ACOT11: variants seen among roughly 807,000 people sequenced by gnomAD.
The protein encoded by ACOT11 is acyl-CoA thioesterase 11, also known as acyl-coenzyme A thioesterase 11.
ACOT11 carries 69 observed loss-of-function variants against 77.5 expected under a neutral mutation model. The ratio of observed to expected loss-of-function variants is 0.89; its 90% CI spans 0.73 to 1.09. ACOT11 has a LOEUF of 1.09. Ranked by LOEUF, ACOT11 falls within the 50% of genes least tolerant of loss-of-function variation. The pLI is 0.00. For missense variants in ACOT11, 766 were observed against 813.7 expected (o/e 0.94, Z 0.71); for synonymous variants, 279 against 313.0 (o/e 0.89, Z 1.15).
downstream of ACOT11, chr1:54,610,826 G>A (rs1644109968): frequency 4.1e-6 from 4 of 985,404 alleles, no homozygotes; most frequent in African/African-American, 1.7e-5. Context: ...CGCTTAGGTG[G>A]CTCCCATGGC....
chr1:54,585,743 G>A (rs934385284), intron 2 of ACOT11, 92 bp from the exon 3 acceptor site: 12 of 1,332,150 alleles, frequency 9.0e-6, no homozygotes, highest in African/African-American at 4.3e-5. Flanking sequence ...TGGCTTGGGC[G>A]GCTGGAGAAG....
Position 54,609,372 on chromosome 1 carries a change from TCA to T in ACOT11, c.*263_*264del, listed in dbSNP as rs935990821. On this transcript the variant is annotated 3_prime_UTR_variant, in exon 16 of 16. Transcript: ENST00000343744. ...GCCCTAGCTGCCAGCAATGCTGTCC[TCA>T]CAGAGGCATAGTCGCCCCCAGCTGG... The T allele has an allele frequency of 6.2e-6, 10 of 1,614,166 alleles. No homozygotes were observed. The highest frequency in any genetic ancestry group is 8.5e-6 in the Non-Finnish European group (10 of 1,180,026).
chr1:54,619,730 C>T, intron 15 of ACOT11: 1 of 907,026 alleles, frequency 1.1e-6, no homozygotes, highest in South Asian at 1.6e-5. Context: ...CTCTGAGCCC[C>T]TATTTCCTCA....
At chr1:54,635,629 A>T (rs935164507) in exon 17 of ACOT11, 2 of 195,502 alleles carry the variant, frequency 1.0e-5, no homozygotes, top group African/African-American at 4.8e-5. Flanking sequence ...AAAAATTAGC[A>T]GCTAGTAACC....
chr1:54,576,975 C>T (rs12563214), intron 1 of ACOT11, among the ~76,000 whole-genome samples: 16,479 of 152,190 alleles, frequency 0.11, 1,313 homozygotes, highest in African/African-American at 0.22. Context: ...TTTATAATCA[C>T]TTACCATGTG....
chr1:54,582,423 A>G, intron 1 of ACOT11: 1 of 985,272 alleles, frequency 1.0e-6, no homozygotes, highest in Non-Finnish European at 1.2e-6. Context: ...TGTATTCTCT[A>G]TCTTTGCCCA....
At chr1:54,565,803 G>A (rs1213882338) in intron 1 of ACOT11, among the ~76,000 whole-genome samples, 2 of 152,132 alleles carry the variant, frequency 1.3e-5, no homozygotes, top group Admixed American at 6.5e-5. Flanking sequence ...GAACCAACCA[G>A]CTTTAGTATC....
At chr1:54,611,579 A>G (rs1339759814), downstream of ACOT11, 1 of 1,611,838 alleles carries the variant, frequency 6.2e-7, no homozygotes, top group East Asian at 2.2e-5. Context: ...TCCAGCCCAC[A>G]CCACCCTTCC....
At chr1:54,610,491 A>C (rs779852883), downstream of ACOT11, 1 of 1,502,336 alleles carries the variant, frequency 6.7e-7, no homozygotes, top group Non-Finnish European at 9.2e-7. Context: ...CGTCATCCCC[A>C]GGCAGCTGGA....
At chr1:54,634,613 G>C (rs1644320491) in intron 16 of ACOT11, 2 of 692,848 alleles carry the variant, frequency 2.9e-6, no homozygotes, top group East Asian at 5.4e-5. Flanking sequence ...ATTTGGTGAA[G>C]AGATCCAATA....
At chr1:54,638,956 T>C (rs1254915077) in exon 17 of ACOT11, 1 of 152,152 alleles carries the variant, frequency 6.6e-6, no homozygotes, top group African/African-American at 2.4e-5. Flanking sequence ...TTTGGGAGGC[T>C]GAAGCGGGAG....
At chr1:54,568,408 A>G (rs1569670006) in intron 1 of ACOT11, among the ~76,000 whole-genome samples, 1 of 115,756 alleles carries the variant, frequency 8.6e-6, no homozygotes, top group African/African-American at 3.6e-5. Flanking sequence ...CTTGTTGCCC[A>G]GGCTGGAGTA....
In ACOT11 at chr1:54,604,388, G is replaced by T; in HGVS notation, c.1195G>T (p.Val399Leu). 6.2e-7 allele frequency: 1 copy of T among 1,614,078 alleles called. No individual in the cohort carries two copies. Among genetic ancestry groups the T allele is most frequent in the Non-Finnish European group, 8.5e-7 (1 of 1,180,028 alleles). Residue 399 changes from valine (V) to leucine (L), a missense_variant, in exon 12 of 16, where the codon GTG (valine) becomes TTG (leucine). Transcript: ENST00000343744. ...YNNVSSLKML[V>L]AKDNWVLSSE... ...TAACGTCTCCTCCTTGAAGATGCTTGTGGCCAAGGACAACTGGGTGCTGTC... is the reference window on the plus strand; with the variant it reads ...TAACGTCTCCTCCTTGAAGATGCTTTTGGCCAAGGACAACTGGGTGCTGTC...
At position 54,604,495 on chromosome 1, in the gene ACOT11, C is replaced by G. The variant is rs148824909; in HGVS notation, c.1236+66C>G. ...GCCAGAGGTGGCTAATGGCAAGCAA[C>G]AAGAACTCTCCCACACCACTTATGT... On this transcript the variant is annotated intron_variant, in intron 12 of 15. Coordinates refer to ENST00000343744, the MANE Select transcript of ACOT11 (RefSeq NM_147161.4). The G allele has an allele frequency of 2.0e-4, 283 of 1,404,178 alleles. No individual in the cohort carries two copies. In the African/African-American group the frequency reaches 3.5e-3, roughly 18 times the overall value. 87.0% of individuals were successfully genotyped at this position (1,404,178 alleles called of 1,614,324 possible).
At position 54,593,766 on chromosome 1, in the gene ACOT11, C is replaced by G. The variant is rs116313306; in HGVS notation, c.373-175C>G. ...ACTTGCCCAAGGTTTCCCGGGGACC[C>G]AAGGGCAGAGTCAAACCCCCCCTCA... is the stretch of plus-strand genomic sequence containing the variant. On this transcript the variant is annotated intron_variant, in intron 4 of 15. Transcript: ENST00000343744. Among the ~76,000 whole-genome samples the G allele has an allele frequency of 2.7e-3, 407 of 152,254 alleles. 3 individuals are homozygous for G. The highest frequency in any genetic ancestry group is 8.7e-3 in the African/African-American group (361 of 41,548).
In ACOT11 at chr1:54,605,750, C is replaced by T. The variant is rs573624111; in HGVS notation, c.1370+541C>T. On this transcript the variant is annotated intron_variant, in intron 13 of 15. Coordinates refer to ENST00000343744, the MANE Select transcript of ACOT11 (RefSeq NM_147161.4). Reference sequence around the variant, plus strand: ...GATTATGAATAGAAATATGTTATTCCTTTACATACATTTGTTCCTCCAAAT... The same window carrying T: ...GATTATGAATAGAAATATGTTATTCTTTTACATACATTTGTTCCTCCAAAT... 1.2e-4 allele frequency among the ~76,000 whole-genome samples: 19 copies of T among 152,216 alleles called. No homozygotes were observed. In the South Asian group the frequency reaches 3.7e-3, roughly 30 times the overall value.
intron 3 of ACOT11, among the ~76,000 whole-genome samples, chr1:54,590,701 T>G (rs1158431689): frequency 6.6e-6 from 1 of 152,160 alleles, no homozygotes; most frequent in Non-Finnish European, 1.5e-5. Flanking sequence ...ACCCAATAAT[T>G]AACATTTTTC....
intron 6 of ACOT11, among the ~76,000 whole-genome samples, chr1:54,595,238 C>G (rs1654857639): frequency 1.3e-5 from 2 of 152,000 alleles, no homozygotes; most frequent in South Asian, 4.2e-4. Context: ...CCTAGCTACT[C>G]TGGGGGCTGA....
At chr1:54,614,899 G>A (rs763447929), downstream of ACOT11, 3 of 1,600,326 alleles carry the variant, frequency 1.9e-6, no homozygotes, top group East Asian at 4.5e-5. Flanking sequence ...AATGGCGAAG[G>A]AACTAGGAAT....
Sources: gnomAD v4.1 joint callset for allele counts (sites outside exome capture counted in the v4.1 genomes callset) on GRCh38, gnomAD v4.1.1 for gene constraint, MANE v1.5 for transcripts, NCBI Gene and HGNC (gene_info 2026-07-23, HGNC 2026-07-21) for gene names.